MYO1D: variants seen among roughly 807,000 people sequenced by gnomAD.
MYO1D encodes the protein unconventional myosin-Id.
MYO1D carries 83 observed loss-of-function variants against 122.0 expected under a neutral mutation model. The ratio of observed to expected loss-of-function variants is 0.68; its 90% CI spans 0.57 to 0.82. The LOEUF is 0.82. MYO1D is among the 40% of genes least tolerant of loss of function. The pLI is 0.00. For missense variants in MYO1D, 1,157 were observed against 1,269.5 expected (o/e 0.91, Z 1.35); for synonymous variants, 464 against 446.9 (o/e 1.04, Z -0.48).
At chr17:32,540,365 C>T (rs939596642) in intron 21 of MYO1D, among the ~76,000 whole-genome samples, 3 of 124,890 alleles carry the variant, frequency 2.4e-5, no homozygotes, top group South Asian at 2.6e-4. Flanking sequence ...GAAAAGAAAA[C>T]CCACAGAATA....
chr17:32,803,830 C>A (rs912064326), intron 1 of MYO1D, among the ~76,000 whole-genome samples: 2 of 152,212 alleles, frequency 1.3e-5, no homozygotes, highest in Non-Finnish European at 2.9e-5. Context: ...TTAAAGGAAT[C>A]TTACAGAGTA....
At chr17:32,532,737 A>C (rs1297040750) in intron 21 of MYO1D, among the ~76,000 whole-genome samples, 2 of 151,838 alleles carry the variant, frequency 1.3e-5, no homozygotes, top group Non-Finnish European at 2.9e-5. Context: ...AAAAAAAAAA[A>C]AAAAAACCAA....
intron 16 of MYO1D, among the ~76,000 whole-genome samples, chr17:32,698,610 A>G (rs1219902309): frequency 9.2e-5 from 14 of 152,138 alleles, no homozygotes; most frequent in Admixed American, 9.2e-4. Flanking sequence ...TCCAATTTTC[A>G]GATAATGATT....
At chr17:32,704,132 A>T (rs949299468) in intron 16 of MYO1D, among the ~76,000 whole-genome samples, 1 of 152,204 alleles carries the variant, frequency 6.6e-6, no homozygotes, top group Non-Finnish European at 1.5e-5. Context: ...TAGTTTCTTC[A>T]GTGCCTTCTA....
At chr17:32,592,646 A>C (rs2087448480) in intron 21 of MYO1D, among the ~76,000 whole-genome samples, 1 of 151,950 alleles carries the variant, frequency 6.6e-6, no homozygotes, top group South Asian at 2.1e-4. Flanking sequence ...CACCTTAAAA[A>C]TACCAACCAG....
chr17:32,550,288 C>T (rs1425191494), intron 21 of MYO1D, among the ~76,000 whole-genome samples: 3 of 152,128 alleles, frequency 2.0e-5, no homozygotes, highest in South Asian at 4.1e-4. Context: ...TTAGTAGAGA[C>T]GGAGTTTCAC....
intron 19 of MYO1D, among the ~76,000 whole-genome samples, chr17:32,645,980 T>G (rs893872334): frequency 6.6e-6 from 1 of 152,206 alleles, no homozygotes; most frequent in Admixed American, 6.5e-5. Context: ...AGAGGTGCTC[T>G]GATTTTTAGA....
At chr17:32,591,548 C>T (rs2087438618) in intron 21 of MYO1D, among the ~76,000 whole-genome samples, 1 of 152,142 alleles carries the variant, frequency 6.6e-6, no homozygotes, top group Non-Finnish European at 1.5e-5. Flanking sequence ...CTTCTTTACC[C>T]CTTTTCTCTG....
chr17:32,505,515 G>T (rs997131214), intron 21 of MYO1D: 1 of 152,216 alleles, frequency 6.6e-6, no homozygotes, highest in South Asian at 2.1e-4. Context: ...AGTCACGCCC[G>T]GGTCCACATG....
At chr17:32,715,858 C>A (rs1325714057) in intron 15 of MYO1D, among the ~76,000 whole-genome samples, 1 of 152,096 alleles carries the variant, frequency 6.6e-6, no homozygotes, top group Non-Finnish European at 1.5e-5. Context: ...TATTTTTATT[C>A]TTTCCCTGCC....
At chr17:32,646,856 T>C (rs1308076780) in intron 19 of MYO1D, among the ~76,000 whole-genome samples, 1 of 152,202 alleles carries the variant, frequency 6.6e-6, no homozygotes, top group Non-Finnish European at 1.5e-5. Flanking sequence ...TTGCATAATT[T>C]AGCTATATTA....
intron 21 of MYO1D, among the ~76,000 whole-genome samples, chr17:32,578,769 G>C (rs2087301238): frequency 6.6e-6 from 1 of 152,088 alleles, no homozygotes; most frequent in African/African-American, 2.4e-5. Context: ...CTTCTTTCTG[G>C]GAGAGTACTT....
intron 16 of MYO1D, among the ~76,000 whole-genome samples, chr17:32,689,124 CTG>C (rs1937574894): frequency 6.6e-6 from 1 of 152,036 alleles, no homozygotes; most frequent in African/African-American, 2.4e-5. Context: ...ATAATAAAAA[CTG>C]TTACTTAAAA....
chr17:32,678,283 GT>G (rs1228407761), intron 16 of MYO1D, among the ~76,000 whole-genome samples: 3 of 148,746 alleles, frequency 2.0e-5, no homozygotes, highest in African/African-American at 7.5e-5. Context: ...TATACTTTAC[GT>G]TTTAGGGTAC....
At chr17:32,698,255 TTTCCTTCCTTCCTTC>T (rs1356343683) in intron 16 of MYO1D, among the ~76,000 whole-genome samples, 1 of 151,686 alleles carries the variant, frequency 6.6e-6, no homozygotes, top group Non-Finnish European at 1.5e-5. Context: ...CTCTTTTCTT[TTTCCTTCCTTCCTTC>T]TTCCTTCCTT....
chr17:32,661,394 T>C (rs541273536), intron 16 of MYO1D, among the ~76,000 whole-genome samples: 34 of 152,334 alleles, frequency 2.2e-4, no homozygotes, highest in African/African-American at 8.2e-4. Context: ...GGCTCATGCC[T>C]ATAATCCTAG....
chr17:32,602,554 T>A (rs1430826995), intron 21 of MYO1D: 1 of 152,224 alleles, frequency 6.6e-6, no homozygotes, highest in Non-Finnish European at 1.5e-5. Flanking sequence ...CCAATTACCC[T>A]GTGAATGACG....
chr17:32,740,856 C>T (rs1472677901), intron 13 of MYO1D, among the ~76,000 whole-genome samples: 1 of 152,026 alleles, frequency 6.6e-6, no homozygotes, highest in Admixed American at 6.5e-5. Flanking sequence ...CCTCCAGAGA[C>T]CCAGTATGTA....
intron 21 of MYO1D, among the ~76,000 whole-genome samples, chr17:32,574,487 T>C (rs1434909097): frequency 1.3e-5 from 2 of 152,238 alleles, no homozygotes; most frequent in African/African-American, 2.4e-5. Flanking sequence ...ATTGTCTTTC[T>C]GCAAGTCTTC....
Sources: allele counts gnomAD v4.1 joint callset (sites outside exome capture counted in the v4.1 genomes callset), GRCh38; gene constraint gnomAD v4.1.1; transcripts MANE v1.5; gene names NCBI Gene and HGNC (gene_info 2026-07-23, HGNC 2026-07-21).